Variants in XPO6 observed in about 807,000 individuals in gnomAD.
The protein encoded by XPO6 is exportin-6.
Under a neutral mutation model 130.0 loss-of-function variants are expected in XPO6, and 3 were observed. That is an observed-to-expected ratio of 0.02 (90% confidence interval 0.01 to 0.06). The LOEUF (loss-of-function observed/expected upper bound fraction) is 0.06, where lower values mean the gene tolerates loss of function less well. XPO6 is among the 10% of genes least tolerant of loss of function. XPO6 has a pLI of 1.00. For missense variants in XPO6, 970 were observed against 1,393.0 expected (o/e 0.70, Z 4.83); for synonymous variants, 524 against 548.9 (o/e 0.95, Z 0.63).
intron 8 of XPO6, among the ~76,000 whole-genome samples, chr16:28,151,179 T>TTAAAAA (rs753186543): frequency 2.8e-5 from 3 of 106,770 alleles, no homozygotes; most frequent in African/African-American, 1.0e-4. Flanking sequence ...CACTAGTGGT[T>TTAAAAA]AAAAAAAAAA....
chr16:28,173,994 C>A (rs1200512661), intron 4 of XPO6, among the ~76,000 whole-genome samples: 1 of 152,140 alleles, frequency 6.6e-6, no homozygotes, highest in Non-Finnish European at 1.5e-5. Flanking sequence ...CACTAACCAA[C>A]CCAGGAATAG....
intron 6 of XPO6, among the ~76,000 whole-genome samples, chr16:28,159,951 C>G (rs1421105173): frequency 6.7e-6 from 1 of 149,258 alleles, no homozygotes; most frequent in Non-Finnish European, 1.5e-5. Context: ...TTTGGGAGGC[C>G]AAGGCGGGCA....
intron 12 of XPO6, among the ~76,000 whole-genome samples, chr16:28,127,142 T>C (rs918610443): frequency 6.6e-6 from 1 of 152,182 alleles, no homozygotes; most frequent in Non-Finnish European, 1.5e-5. Context: ...AGCTCTCTCA[T>C]GGCCTCGCCA....
chr16:28,134,822 C>G (rs2042744239), intron 10 of XPO6, among the ~76,000 whole-genome samples: 1 of 152,194 alleles, frequency 6.6e-6, no homozygotes, highest in Non-Finnish European at 1.5e-5. Flanking sequence ...TCCTTTCATT[C>G]TAGCCTTATC....
At chr16:28,155,774 G>T in intron 7 of XPO6, 2 of 430,862 alleles carry the variant, frequency 4.6e-6, no homozygotes, top group Non-Finnish European at 7.1e-6. Flanking sequence ...CCTCAGACCT[G>T]CAAGCAAATA....
chr16:28,181,126 T>G, intron 1 of XPO6, 95 bp from the exon 2 acceptor site: 1 of 895,670 alleles, frequency 1.1e-6, no homozygotes, highest in Admixed American at 2.7e-5. Context: ...CAAGAGCAAT[T>G]TACTTCCTCA....
intron 1 of XPO6, among the ~76,000 whole-genome samples, chr16:28,185,609 G>A (rs1845321812): frequency 6.6e-6 from 1 of 152,224 alleles, no homozygotes; most frequent in South Asian, 2.1e-4. Context: ...AGACTCTTTA[G>A]AAACTGTATT....
intron 8 of XPO6, among the ~76,000 whole-genome samples, chr16:28,151,687 T>G (rs1206619087): frequency 1.3e-5 from 2 of 152,154 alleles, no homozygotes; most frequent in Non-Finnish European, 1.5e-5. Context: ...CACCTAAGAT[T>G]TATGCACTTT....
At chr16:28,133,133 C>T (rs911204754) in intron 11 of XPO6, among the ~76,000 whole-genome samples, 2 of 152,178 alleles carry the variant, frequency 1.3e-5, no homozygotes, top group Admixed American at 6.5e-5. Flanking sequence ...GTCAGGAGAT[C>T]GAGACCATCC....
intron 8 of XPO6, among the ~76,000 whole-genome samples, chr16:28,150,176 A>T (rs958408469): frequency 6.6e-6 from 1 of 152,154 alleles, no homozygotes; most frequent in Non-Finnish European, 1.5e-5. Context: ...TGGACGTCAA[A>T]GACATACCTA....
In XPO6 at chr16:28,133,644, T is replaced by C. The variant is rs79881520; in HGVS notation, c.1536+197A>G. Among the ~76,000 whole-genome samples the C allele has an allele frequency of 2.3e-3, 351 of 152,336 alleles. 1 individual carries two copies. The highest frequency in any genetic ancestry group is 3.9e-3 in the Non-Finnish European group (268 of 68,032). On this transcript the variant is annotated intron_variant, in intron 11 of 23. Coordinates refer to ENST00000304658, the MANE Select transcript of XPO6 (RefSeq NM_015171.4). ...TATTATATCCAAGACTAAACAAGGT[T>C]CCAAAAGTTGGTTTAATATTTTGTG...
At chr16:28,124,465 A>C (rs1198537520) in intron 13 of XPO6, among the ~76,000 whole-genome samples, 1 of 152,202 alleles carries the variant, frequency 6.6e-6, no homozygotes, top group Non-Finnish European at 1.5e-5. Flanking sequence ...GCTAAACCTC[A>C]GTGCAAATGG....
intron 1 of XPO6, chr16:28,181,257 C>A (rs1033254750): frequency 4.6e-6 from 2 of 432,288 alleles, no homozygotes; most frequent in Non-Finnish European, 8.3e-6. Context: ...TGCTACTGTG[C>A]AGCTGATTTT....
intron 1 of XPO6, among the ~76,000 whole-genome samples, chr16:28,207,665 C>T (rs916785041): frequency 4.6e-5 from 7 of 152,226 alleles, no homozygotes; most frequent in African/African-American, 1.7e-4. Context: ...CTCTCCTGAT[C>T]TTCCTTCCCA....
Position 28,101,557 on chromosome 16 carries a change from A to G in XPO6, c.3177T>C (p.Asp1059=). Residue 1059 remains aspartate, a synonymous_variant, in exon 23 of 24, where the codon GAT becomes GAC. Transcript: ENST00000304658. This position sits in a 1 kb window ranked among gnomAD's most constrained non-coding sequence, Gnocchi z 5.4. Reference sequence around the variant, plus strand: ...CTGGGAGGAAGGCGGCAAAGAAGCCATCAAAGTCGACTGAGGCCATGTTGT... The same window carrying G: ...CTGGGAGGAAGGCGGCAAAGAAGCCGTCAAAGTCGACTGAGGCCATGTTGT... The part of the protein sequence containing the change: ...AIYNMASVDF[D]GFFAAFLPEF... 6.2e-7 allele frequency: 1 copy of G among 1,614,264 alleles called. No homozygotes were observed. The highest frequency in any genetic ancestry group is 8.5e-7 in the Non-Finnish European group (1 of 1,180,052).
Position 28,101,847 on chromosome 16 carries a change from C to T in XPO6, c.3045G>A (p.Lys1015=). 6.2e-7 allele frequency: 1 copy of T among 1,613,762 alleles called. No homozygotes were observed. The highest frequency in any genetic ancestry group is 1.1e-5 in the South Asian group (1 of 91,052). ...TATTTCCAAGAGCTGGGGCACTTACCTTGTGGTACAGCTTCTGCTTGGTGT... is the reference window on the plus strand; with the variant it reads ...TATTTCCAAGAGCTGGGGCACTTACTTTGTGGTACAGCTTCTGCTTGGTGT... The part of the protein sequence containing the change: ...TLNTKQKLYH[K]KIFRTAMLFQ... The change falls in exon 22 of 24, where the codon AAG becomes AAA. Residue 1015 remains lysine, a splice_region_variant and synonymous_variant. Coordinates refer to ENST00000304658, the MANE Select transcript of XPO6 (RefSeq NM_015171.4). The surrounding 1 kb of genome is among the most constrained non-coding windows in gnomAD (Gnocchi z 5.4).
chr16:28,106,066 G>C lies in XPO6; in HGVS notation c.2761C>G (p.Gln921Glu), dbSNP rs2086771879. Reference sequence around the variant, plus strand: ...ACCTCGGCAATGATGGGATACACTTGCTCCATGCACAGGGCGATGATGCTG... The same window carrying C: ...ACCTCGGCAATGATGGGATACACTTCCTCCATGCACAGGGCGATGATGCTG... ...LPSIIALCME[Q>E]VYPIIAERPS... Residue 921 changes from glutamine to glutamate, a missense_variant, in exon 20 of 24, where the codon CAA becomes GAA. Coordinates refer to ENST00000304658, the MANE Select transcript of XPO6 (RefSeq NM_015171.4). The surrounding 1 kb of genome is among the most constrained non-coding windows in gnomAD (Gnocchi z 4.2). The C allele has an allele frequency of 1.2e-6, 2 of 1,614,012 alleles. No individual in the cohort carries two copies. The highest frequency in any genetic ancestry group is 8.5e-7 in the Non-Finnish European group (1 of 1,179,986).
intron 23 of XPO6, among the ~76,000 whole-genome samples, chr16:28,099,102 C>T (rs1001315901): frequency 2.6e-5 from 4 of 152,320 alleles, no homozygotes; most frequent in South Asian, 2.1e-4. Flanking sequence ...TGAGGTGACG[C>T]GCACACCGAG....
chr16:28,155,993 T>G, intron 7 of XPO6, 81 bp downstream of exon 7: 1 of 1,513,188 alleles, frequency 6.6e-7, no homozygotes, highest in Non-Finnish European at 8.8e-7. Context: ...CAAAGAGGAT[T>G]ACAGATGCCA....
Sources: gnomAD v4.1 joint callset for allele counts (sites outside exome capture counted in the v4.1 genomes callset) on GRCh38, gnomAD v4.1.1 for gene constraint, Gnocchi (gnomAD v3.1) non-coding constraint, MANE v1.5 for transcripts, NCBI Gene and HGNC (gene_info 2026-07-23, HGNC 2026-07-21) for gene names.